Variants in ETFA observed in about 807,000 individuals in gnomAD.
ETFA encodes electron transfer flavoprotein subunit alpha.
A neutral mutation model predicts 46.2 loss-of-function variants in ETFA; 22 were observed. The observed-to-expected ratio is 0.48, with a 90% CI of 0.34 to 0.68. The LOEUF (loss-of-function observed/expected upper bound fraction) is 0.68. Among genes scored for constraint, ETFA ranks in the 30% least tolerant of loss-of-function variants. The pLI is 0.01. For missense variants in ETFA, 345 were observed against 401.1 expected, an observed-to-expected ratio of 0.86 and a Z score of 1.19; for synonymous variants, 131 against 139.9, an observed-to-expected ratio of 0.94 and a Z score of 0.45.
chr15:76,236,373 G>GGTCAGACTAACTATATTTCT (rs1195219777), intron 9 of ETFA, among the ~76,000 whole-genome samples: 1 of 152,138 alleles, frequency 6.6e-6, no homozygotes, highest in Non-Finnish European at 1.5e-5. Context: ...TGTAATCTCA[G>GGTCAGACTAACTATATTTCT]GTCAGACTAA....
At chr15:76,246,571 C>T (rs1308017252) in intron 9 of ETFA, among the ~76,000 whole-genome samples, 1 of 152,172 alleles carries the variant, frequency 6.6e-6, no homozygotes, top group Non-Finnish European at 1.5e-5. Context: ...GTGGCTCACA[C>T]CTGTAATCCC....
chr15:76,218,359 C>T (rs62030229), intron 11 of ETFA, among the ~76,000 whole-genome samples: 31,743 of 152,116 alleles, frequency 0.21, 4,157 homozygotes, highest in East Asian at 0.47. Context: ...GCTCCGTCTC[C>T]CAGGTTCAAG....
At chr15:76,294,048 A>G (rs2039794481) in intron 2 of ETFA, among the ~76,000 whole-genome samples, 1 of 152,230 alleles carries the variant, frequency 6.6e-6, no homozygotes, top group South Asian at 2.1e-4. Context: ...GTAGCTGAAT[A>G]AAATGGTATA....
rs2038998662 is a variant in ETFA at position 76,225,839 on chromosome 15, GC to G, written c.963+9del. ...CTAGATAATAGCAATTTCTCTCAAG[GC>G]CAGCTTACCTTAAATAAATCTGCAA... On this transcript the variant is annotated intron_variant, in intron 11 of 11. Coordinates refer to ENST00000557943, the MANE Select transcript of ETFA (RefSeq NM_000126.4). 2.6e-6 allele frequency: 4 copies of G among 1,565,730 alleles called. No homozygotes were observed. Among genetic ancestry groups the G allele is most frequent in the Non-Finnish European group, 3.5e-6 (4 of 1,136,124 alleles).
intron 9 of ETFA, among the ~76,000 whole-genome samples, chr15:76,272,000 A>C (rs191744926): frequency 2.0e-5 from 3 of 152,294 alleles, no homozygotes; most frequent in Non-Finnish European, 4.4e-5. Flanking sequence ...AAGTCTTCAA[A>C]GCATTTAATA....
chr15:76,294,088 T>C (rs576744281), intron 2 of ETFA, among the ~76,000 whole-genome samples: 1 of 152,362 alleles, frequency 6.6e-6, no homozygotes, highest in South Asian at 2.1e-4. Context: ...GATCTCTTCA[T>C]ACAGGTACTG....
At chr15:76,292,877 C>G (rs2039781344) in intron 2 of ETFA, among the ~76,000 whole-genome samples, 177 bp from the exon 3 acceptor site, 1 of 152,186 alleles carries the variant, frequency 6.6e-6, no homozygotes, top group African/African-American at 2.4e-5. Context: ...GTGGCTCAAG[C>G]CTGTAATCCC....
At chr15:76,216,756 A>T (rs2038900162) in intron 11 of ETFA, among the ~76,000 whole-genome samples, 159 bp from the exon 12 acceptor site, 1 of 150,112 alleles carries the variant, frequency 6.7e-6, no homozygotes, top group African/African-American at 2.4e-5. Flanking sequence ...GTTCTCCGGT[A>T]GTCTCTCTTC....
intron 9 of ETFA, among the ~76,000 whole-genome samples, chr15:76,256,073 C>CTG (rs1482164101): frequency 6.6e-6 from 1 of 151,898 alleles, no homozygotes; most frequent in East Asian, 1.9e-4. Context: ...GCCTGGCCAA[C>CTG]ATGGTGAAAC....
At chr15:76,250,278 C>T (rs117800361) in intron 9 of ETFA, among the ~76,000 whole-genome samples, 7,866 of 151,862 alleles carry the variant, frequency 0.052, 262 homozygotes, top group Middle Eastern at 0.15. Flanking sequence ...CAAAAATATA[C>T]ACAATAATAT....
chr15:76,287,951 A>T lies in ETFA; in HGVS notation c.352-6T>A. The T allele has an allele frequency of 6.3e-7, 1 of 1,594,090 alleles. No individual in the cohort carries two copies. On this transcript the variant is annotated splice_polypyrimidine_tract_variant and splice_region_variant and intron_variant, in intron 4 of 11. Transcript: ENST00000557943. ...GCTACTCTGGGCAAAAGGTTCTAAAAGCAAAATAAGCAGTGAGTTAACACA... is the reference window on the plus strand; with the variant it reads ...GCTACTCTGGGCAAAAGGTTCTAAATGCAAAATAAGCAGTGAGTTAACACA...
chr15:76,302,880 T>C (rs1221504828), intron 1 of ETFA, among the ~76,000 whole-genome samples: 2 of 152,206 alleles, frequency 1.3e-5, no homozygotes, highest in African/African-American at 4.8e-5. Flanking sequence ...AGTGTCTTTC[T>C]ATGTTGCCCA....
rs2141527207 is a variant in ETFA, at chr15:76,282,982, A to G, written c.733+775T>C. 2.0e-5 allele frequency among the ~76,000 whole-genome samples: 3 copies of G among 152,246 alleles called. No individual in the cohort carries two copies. In the South Asian group the frequency reaches 6.2e-4, roughly 32 times the overall value. ...AAATTTTTTTGGTTTTTCAAAAAAC[A>G]TCACTCCCTTCTCATCAATGTACTT... On this transcript the variant is annotated intron_variant, in intron 8 of 11. Coordinates refer to ENST00000557943, the MANE Select transcript of ETFA (RefSeq NM_000126.4).
Position 76,274,327 on chromosome 15 carries a change from A to C in ETFA, c.816+85T>G, listed in dbSNP as rs547148439. 318 of 1,041,402 alleles carry C rather than the reference A, an allele frequency of 3.1e-4. 5 individuals carry two copies. Among genetic ancestry groups the C allele is most frequent in the South Asian group, 2.3e-3 (173 of 73,750 alleles). 64.5% of individuals were successfully genotyped at this position (1,041,402 alleles called of 1,614,324 possible). A position where few individuals can be genotyped will look rare whatever the true frequency, so the allele number is the denominator to read the frequency against. ...ACTGCTCAGGAACACTGAGTAAGGT[A>C]AATCACTGAGATCACTGTTCAACAA... On this transcript the variant is annotated intron_variant, in intron 9 of 11. Coordinates refer to ENST00000557943, the MANE Select transcript of ETFA (RefSeq NM_000126.4).
intron 1 of ETFA, among the ~76,000 whole-genome samples, chr15:76,310,844 C>T (rs2039989929): frequency 6.6e-6 from 1 of 151,752 alleles, no homozygotes; most frequent in African/African-American, 2.4e-5. Context: ...CGCAGCCTCC[C>T]ACCCCACCCC....
At chr15:76,310,624 T>C (rs561891615) in intron 1 of ETFA, among the ~76,000 whole-genome samples, 6 of 152,206 alleles carry the variant, frequency 3.9e-5, no homozygotes, top group Non-Finnish European at 5.9e-5. Context: ...TTGTCACTAA[T>C]GAAACACTGA....
intron 9 of ETFA, among the ~76,000 whole-genome samples, chr15:76,233,524 T>C (rs1178723499): frequency 6.6e-6 from 1 of 151,976 alleles, no homozygotes; most frequent in African/African-American, 2.4e-5. Context: ...GAGATGGGGT[T>C]TCACTATGTT....
chr15:76,263,234 G>A (rs1339941703), intron 9 of ETFA, among the ~76,000 whole-genome samples: 1 of 152,148 alleles, frequency 6.6e-6, no homozygotes, highest in Non-Finnish European at 1.5e-5. Flanking sequence ...TTGGCCCCCT[G>A]GTCCCACTTT....
chr15:76,232,802 C>G (rs1052778585), intron 9 of ETFA, among the ~76,000 whole-genome samples: 1 of 152,116 alleles, frequency 6.6e-6, no homozygotes, highest in Admixed American at 6.5e-5. Flanking sequence ...AAGAAAGCTC[C>G]CCAGGATACT....
Sources: allele counts gnomAD v4.1 joint callset (sites outside exome capture counted in the v4.1 genomes callset), GRCh38; gene constraint gnomAD v4.1.1; transcripts MANE v1.5; gene names NCBI Gene and HGNC (gene_info 2026-07-23, HGNC 2026-07-21).